Variants in SLC4A2 observed in about 807,000 individuals in gnomAD.
SLC4A2 encodes the protein anion exchange protein 2.
A neutral mutation model predicts 115.0 loss-of-function variants in SLC4A2; 36 were observed. The observed-to-expected ratio is 0.31, with a 90% CI of 0.24 to 0.41. The LOEUF (loss-of-function observed/expected upper bound fraction) is 0.41, where lower values mean the gene tolerates loss of function less well. SLC4A2 is among the 10% of genes least tolerant of loss of function. SLC4A2 has a pLI of 1.00. For synonymous variants in SLC4A2, 708 were observed against 708.3 expected, an observed-to-expected ratio of 1.00 and a Z score of 0.01; for missense variants, 1,252 against 1,705.6, an observed-to-expected ratio of 0.73 and a Z score of 4.68.
chr7:151,066,674 G>A lies in SLC4A2; in HGVS notation c.736G>A (p.Gly246Arg), dbSNP rs753426372. ...GAGGAGGCGCATCGGGAGCATGACT[G>A]GGGCTGAGCAGGCACTGCTGCCCCG... ...QERRRIGSMT[G>R]AEQALLPRVP... is the part of the protein sequence containing the mutation. The change falls in exon 6 of 23, where the codon GGG becomes AGG. Residue 246 changes from glycine to arginine, a missense_variant. Coordinates refer to ENST00000413384, the MANE Select transcript of SLC4A2 (RefSeq NM_003040.4). 1 of 1,551,280 alleles carries A rather than the reference G, an allele frequency of 6.4e-7. No homozygotes were observed. The highest frequency in any genetic ancestry group is 2.4e-5 in the East Asian group (1 of 40,932).
At chr7:151,067,126 T>C in intron 7 of SLC4A2, 133 bp downstream of exon 7, 1 of 971,594 alleles carries the variant, frequency 1.0e-6, no homozygotes, top group East Asian at 2.5e-5. Flanking sequence ...TCTCGCTCTG[T>C]TGCCCAGGAT....
chr7:151,076,005 C>T lies in SLC4A2; in HGVS notation c.3472-8C>T, dbSNP rs530356190. On this transcript the variant is annotated splice_polypyrimidine_tract_variant and splice_region_variant and intron_variant, in intron 21 of 22. Coordinates refer to ENST00000413384, the MANE Select transcript of SLC4A2 (RefSeq NM_003040.4). ...AGGAAGCTGGGCTCACCTGTCTCCG[C>T]CCCCCAGGTCCGGACCCTCCGTATG... is the stretch of plus-strand genomic sequence containing the variant. 5.7e-6 allele frequency: 9 copies of T among 1,574,040 alleles called. No homozygotes were observed. The African/African-American group carries it at 6.8e-5, about 12-fold the overall frequency.
rs1797099786 is a variant in SLC4A2, at chr7:151,062,887, C to T, written c.51+849C>T. The stretch of plus-strand genomic sequence containing the variant: ...CAGTCCCAGCTGCTCCAGTCCCCAC[C>T]TCGCCCCTAAGACCCGCCCTTCACC... On this transcript the variant is annotated intron_variant, in intron 2 of 22. Coordinates refer to ENST00000413384, the MANE Select transcript of SLC4A2 (RefSeq NM_003040.4). 9 of 1,392,374 alleles carry T rather than the reference C, an allele frequency of 6.5e-6. No individual in the cohort carries two copies. In the East Asian group the frequency reaches 2.6e-4, roughly 40 times the overall value. The allele number at this position is 1,392,374 out of a possible 1,614,324, so 86.3% of individuals were successfully genotyped here.
At position 151,064,637 on chromosome 7, in the gene SLC4A2, C is replaced by T. The variant is rs149126957; in HGVS notation, c.329C>T (p.Pro110Leu). 1.2e-5 allele frequency: 19 copies of T among 1,613,478 alleles called. No individual in the cohort carries two copies. The highest frequency in any genetic ancestry group is 1.5e-5 in the Non-Finnish European group (18 of 1,179,834). Residue 110 changes from proline to leucine, a missense_variant, in exon 4 of 23, where the codon CCG becomes CTG. Physicochemically the swap from Pro to Leu is moderately conservative, Grantham distance 98 (BLOSUM62 -3). This residue lies in a region of SLC4A2 where 215 missense variants were observed against 205.2 expected (regional missense o/e 1.05). Transcript: ENST00000413384. Reference sequence around the variant, plus strand: ...CCAGGACGGAAGCCTCGAAGGCGCCCGGGAGCCTCCCCGACTGGAGAAACC... The same window carrying T: ...CCAGGACGGAAGCCTCGAAGGCGCCTGGGAGCCTCCCCGACTGGAGAAACC... ...QGPGRKPRRR[P>L]GASPTGETPT...
chr7:151,070,595 G>C, intron 11 of SLC4A2, 24 bp downstream of exon 11: 1 of 1,606,736 alleles, frequency 6.2e-7, no homozygotes, highest in Admixed American at 1.7e-5. Flanking sequence ...GTCACATGTA[G>C]GGGGCTTGGT....
At chr7:151,063,318 G>A (rs1047096413) in intron 2 of SLC4A2, 1 of 741,256 alleles carries the variant, frequency 1.3e-6, no homozygotes, top group Admixed American at 3.7e-5. Flanking sequence ...TGCGGGGCTG[G>A]GTTTGTTTGA....
In SLC4A2 at chr7:151,071,273, G is replaced by C. The variant is rs767576624; in HGVS notation, c.1951G>C (p.Glu651Gln). 14 of 1,559,644 alleles carry C rather than the reference G, an allele frequency of 9.0e-6. No homozygotes were observed. The highest frequency in any genetic ancestry group is 1.1e-5 in the Non-Finnish European group (13 of 1,153,234). The change falls in exon 13 of 23, where the codon GAG (glutamate) becomes CAG (glutamine). Residue 651 changes from glutamate to glutamine, a missense_variant. Physicochemically the swap from Glu to Gln is conservative, Grantham distance 29 (BLOSUM62 2). Transcript: ENST00000413384. The surrounding 1 kb of genome is among the most constrained non-coding windows in gnomAD (Gnocchi z 5.5). ...GRLLPTGAGL[E>Q]PKSAQDKALL... ...GCTGCTACCTACAGGGGCTGGGCTG[G>C]AGCCCAAATCTGCCCAAGATAAGGG... is the stretch of plus-strand genomic sequence containing the variant.
chr7:151,072,763 T>A (rs375143209), intron 16 of SLC4A2, among the ~76,000 whole-genome samples: 4 of 149,738 alleles, frequency 2.7e-5, no homozygotes, highest in African/African-American at 9.8e-5. Context: ...GGTTGAAGTG[T>A]TTCTCCTGCC....
chr7:151,074,907 T>C lies in SLC4A2; in HGVS notation c.3047+66T>C, dbSNP rs1423796485. ...CCAGGCCAGGCTGGGGAACTCAGCA[T>C]GGAACCTCCAGCCACACTGGGCAAT... is the stretch of plus-strand genomic sequence containing the variant. On this transcript the variant is annotated intron_variant, in intron 19 of 22. Coordinates refer to ENST00000413384, the MANE Select transcript of SLC4A2 (RefSeq NM_003040.4). 4 of 1,472,868 alleles carry C rather than the reference T, an allele frequency of 2.7e-6. No homozygotes were observed. The African/African-American group carries it at 4.2e-5, about 15-fold the overall frequency. 91.2% of individuals were successfully genotyped at this position (1,472,868 alleles called of 1,614,324 possible).
intron 2 of SLC4A2, chr7:151,062,943 G>A: frequency 7.1e-7 from 1 of 1,402,874 alleles, no homozygotes; most frequent in Non-Finnish European, 9.2e-7. Context: ...CCTTGTTCTG[G>A]CTGCTGGCAC....
At chr7:151,076,236 C>G (rs763743609) in intron 22 of SLC4A2, 50 bp downstream of exon 22, 47 of 1,600,026 alleles carry the variant, frequency 2.9e-5, no homozygotes, top group Non-Finnish European at 4.0e-5. Context: ...CCCTGTGGAT[C>G]TGGAAAGGCC....
chr7:151,066,329 C>G (rs34740196), intron 5 of SLC4A2, among the ~76,000 whole-genome samples, 188 bp from the exon 6 acceptor site: 39,009 of 152,220 alleles, frequency 0.26, 5,887 homozygotes, highest in Middle Eastern at 0.33. Flanking sequence ...AAGGGTGGAG[C>G]TGGGGTTCGG....
rs779955864 is a variant in SLC4A2 at position 151,070,169 on chromosome 7, C to T, written c.1284-12C>T. On this transcript the variant is annotated splice_polypyrimidine_tract_variant and intron_variant, in intron 9 of 22. Transcript: ENST00000413384. ...TGACCCTCCTTTGCCTCACTGCCCT[C>T]TGCCCCACCAGCCACCCAAGTGATG... 3.1e-6 allele frequency: 5 copies of T among 1,614,120 alleles called. No individual in the cohort carries two copies. The highest frequency in any genetic ancestry group is 1.7e-6 in the Non-Finnish European group (2 of 1,180,032).
intron 7 of SLC4A2, 28 bp from the exon 8 acceptor site, chr7:151,067,846 C>A: frequency 6.2e-7 from 1 of 1,609,532 alleles, no homozygotes; most frequent in South Asian, 1.1e-5. Flanking sequence ...GCTCTGTACC[C>A]TGAAATGCCT....
chr7:151,062,020 C>T lies in SLC4A2; in HGVS notation c.33C>T (p.Gly11=), dbSNP rs775828607. 1.9e-6 allele frequency: 3 copies of T among 1,611,132 alleles called. No individual in the cohort carries two copies. The highest frequency in any genetic ancestry group is 1.7e-6 in the Non-Finnish European group (2 of 1,179,752). Residue 11 remains glycine (G), a synonymous_variant, in exon 2 of 23, where the codon GGC becomes GGT. Coordinates refer to ENST00000413384, the MANE Select transcript of SLC4A2 (RefSeq NM_003040.4). MSSAPRRPAK[G]ADSFCTPEPE... is the part of the protein sequence containing the mutation. Reference sequence around the variant, plus strand: ...GCGCCCCTCGGCGCCCCGCCAAGGGCGCAGATTCTTTCTGTACGGTGAGTG... The same window carrying T: ...GCGCCCCTCGGCGCCCCGCCAAGGGTGCAGATTCTTTCTGTACGGTGAGTG...
chr7:151,060,967 G>A lies in SLC4A2; in HGVS notation c.-63-958G>A, dbSNP rs1250327863. Among the ~76,000 whole-genome samples the A allele has an allele frequency of 6.6e-6, 1 of 152,040 alleles. No individual in the cohort carries two copies. The highest frequency in any genetic ancestry group is 1.9e-4 in the East Asian group (1 of 5,184). ...TTTGCCAGTCTTGGGTGCCCCCTGTGCTGACCCGCTAGGAATGCGCCCCCT... is the reference window on the plus strand; with the variant it reads ...TTTGCCAGTCTTGGGTGCCCCCTGTACTGACCCGCTAGGAATGCGCCCCCT... On this transcript the variant is annotated intron_variant, in intron 1 of 22. Transcript: ENST00000413384. The surrounding 1 kb of genome is among the most constrained non-coding windows in gnomAD (Gnocchi z 5.9).
upstream of SLC4A2, among the ~76,000 whole-genome samples, chr7:151,059,341 G>C (rs1563333831): frequency 6.6e-6 from 1 of 152,150 alleles, no homozygotes; most frequent in African/African-American, 2.4e-5. The surrounding 1 kb of genome is among the most constrained non-coding windows in gnomAD (Gnocchi z 5.8). Context: ...GAATTTCCTT[G>C]TGCCTGCGTT....
chr7:151,067,730 T>C, intron 7 of SLC4A2, 144 bp from the exon 8 acceptor site: 1 of 615,636 alleles, frequency 1.6e-6, no homozygotes, highest in Non-Finnish European at 2.8e-6. Flanking sequence ...CAGCTGGCTG[T>C]GGGACTGGTG....
At chr7:151,062,618 C>T in intron 2 of SLC4A2, 1 of 1,517,732 alleles carries the variant, frequency 6.6e-7, no homozygotes, top group East Asian at 2.6e-5. Flanking sequence ...CCCCCTCCTT[C>T]TCAGGTTCAC....
Sources: allele counts gnomAD v4.1 joint callset (sites outside exome capture counted in the v4.1 genomes callset), GRCh38; gene constraint gnomAD v4.1.1; regional missense constraint gnomAD v4.1.1; non-coding constraint Gnocchi (gnomAD v3.1); transcripts MANE v1.5; gene names NCBI Gene and HGNC (gene_info 2026-07-23, HGNC 2026-07-21).